STXBP5: variants seen among roughly 807,000 people sequenced by gnomAD.
STXBP5 encodes the protein syntaxin-binding protein 5.
Under a neutral mutation model 152.4 loss-of-function variants are expected in STXBP5, and 50 were observed. That is an observed-to-expected ratio of 0.33 (90% confidence interval 0.26 to 0.42). The LOEUF (loss-of-function observed/expected upper bound fraction) is 0.42, where lower values mean the gene tolerates loss of function less well. Among genes scored for constraint, STXBP5 ranks in the 10% least tolerant of loss-of-function variants. The pLI, the probability that STXBP5 is intolerant of heterozygous loss-of-function variation, is 1.00. For synonymous variants in STXBP5, 492 were observed against 494.7 expected, an observed-to-expected ratio of 0.99 and a Z score of 0.07; for missense variants, 1,167 against 1,388.6, an observed-to-expected ratio of 0.84 and a Z score of 2.54.
intron 5 of STXBP5, among the ~76,000 whole-genome samples, chr6:147,261,756 C>G (rs926814766): frequency 1.3e-5 from 2 of 151,894 alleles, no homozygotes; most frequent in Non-Finnish European, 2.9e-5. Context: ...AGTGATCTGT[C>G]AAACTTGGGA....
In STXBP5 at chr6:147,384,698, T is replaced by C; in HGVS notation, c.3415-16T>C. ...GGCATTTTAAAAGCATGTTTTTCTT[T>C]TTTTTCCCCCTTTAGATTATGTTGA... On this transcript the variant is annotated splice_polypyrimidine_tract_variant and intron_variant, in intron 27 of 27. Coordinates refer to ENST00000321680, the MANE Select transcript of STXBP5 (RefSeq NM_001127715.4). The C allele has an allele frequency of 6.2e-7, 1 of 1,607,886 alleles. No homozygotes were observed.
At chr6:147,303,037 G>A (rs959240987) in intron 9 of STXBP5, among the ~76,000 whole-genome samples, 4 of 152,086 alleles carry the variant, frequency 2.6e-5, no homozygotes, top group East Asian at 1.9e-4. Flanking sequence ...CGTGGCTCTC[G>A]ACAAATTGCC....
At chr6:147,361,388 A>T (rs1370668345) in intron 23 of STXBP5, among the ~76,000 whole-genome samples, 2 of 152,220 alleles carry the variant, frequency 1.3e-5, no homozygotes. Context: ...GAATACAAAA[A>T]TAACTTTCAT....
chr6:147,296,084 G>A (rs371093835), intron 9 of STXBP5, among the ~76,000 whole-genome samples: 2 of 152,112 alleles, frequency 1.3e-5, no homozygotes, highest in South Asian at 2.1e-4. Flanking sequence ...AGATGGTCCT[G>A]TACAATGAGG....
At chr6:147,256,880 T>G (rs1185607686) in intron 4 of STXBP5, among the ~76,000 whole-genome samples, 2 of 152,174 alleles carry the variant, frequency 1.3e-5, no homozygotes, top group East Asian at 3.9e-4. Flanking sequence ...TATGTTGGGT[T>G]AATCTAATGG....
Position 147,262,313 on chromosome 6 carries a change from C to G in STXBP5, c.590C>G (p.Pro197Arg). ...AGGTCATCTAAATCTCACCCAGGAC[C>G]TGTGGTCCATATAAGTGATAATCCA... is the stretch of plus-strand genomic sequence containing the variant. Reference protein sequence around the residue: ...IELSSKSHPGPVVHISDNPMD... With the variant: ...IELSSKSHPGRVVHISDNPMD... Residue 197 changes from proline to arginine, a missense_variant, in exon 6 of 28, where the codon CCT (proline) becomes CGT (arginine). Physicochemically the swap from Pro to Arg is moderately radical, Grantham distance 103 (BLOSUM62 -2). Around this residue, in one of 3 missense-constraint regions of STXBP5, gnomAD observed 310 missense variants for 346.1 expected, o/e 0.90. Coordinates refer to ENST00000321680, the MANE Select transcript of STXBP5 (RefSeq NM_001127715.4). 1 of 1,555,504 alleles carries G rather than the reference C, an allele frequency of 6.4e-7. No individual in the cohort carries two copies. Among genetic ancestry groups the G allele is most frequent in the Admixed American group, 2.0e-5 (1 of 49,560 alleles).
At chr6:147,241,874 A>G (rs943645342) in intron 4 of STXBP5, among the ~76,000 whole-genome samples, 4 of 152,212 alleles carry the variant, frequency 2.6e-5, no homozygotes, top group Non-Finnish European at 4.4e-5. Flanking sequence ...ATAATTGTGT[A>G]CAGTACATAA....
chr6:147,292,375 G>A (rs1347318919), intron 9 of STXBP5: 1 of 346,820 alleles, frequency 2.9e-6, no homozygotes, highest in Non-Finnish European at 5.6e-6. Flanking sequence ...CTGTAGCATA[G>A]TTATCTGACT....
intron 4 of STXBP5, among the ~76,000 whole-genome samples, chr6:147,239,688 A>T (rs1253505681): frequency 6.6e-6 from 1 of 152,170 alleles, no homozygotes; most frequent in East Asian, 1.9e-4. Flanking sequence ...TAAGTGCCAT[A>T]ATTTATTCAG....
chr6:147,311,415 G>A, intron 10 of STXBP5, 40 bp from the exon 11 acceptor site: 4 of 1,550,416 alleles, frequency 2.6e-6, no homozygotes, highest in Non-Finnish European at 3.6e-6. Flanking sequence ...CTGTCCACTT[G>A]CATTTTTGAA....
At chr6:147,251,078 C>T (rs1173323731) in intron 4 of STXBP5, among the ~76,000 whole-genome samples, 1 of 151,762 alleles carries the variant, frequency 6.6e-6, no homozygotes, top group South Asian at 2.1e-4. Context: ...GCATTTCCAA[C>T]GGAGGTACCC....
intron 8 of STXBP5, among the ~76,000 whole-genome samples, chr6:147,286,925 CACAT>C (rs1292957846): frequency 6.6e-6 from 1 of 151,508 alleles, no homozygotes; most frequent in Non-Finnish European, 1.5e-5. Flanking sequence ...TGTGTATTAA[CACAT>C]ACACACAAAT....
At chr6:147,360,360 C>A (rs886481455) in intron 23 of STXBP5, among the ~76,000 whole-genome samples, 1 of 152,092 alleles carries the variant, frequency 6.6e-6, no homozygotes, top group Non-Finnish European at 1.5e-5. Context: ...ATGTTTATAG[C>A]GGCACTATTC....
chr6:147,373,963 A>T (rs1487319884), intron 26 of STXBP5, 121 bp downstream of exon 26: 1 of 583,422 alleles, frequency 1.7e-6, no homozygotes, highest in East Asian at 2.9e-5. Context: ...TACTATTTCC[A>T]TGTTTTAACA....
chr6:147,273,220 T>A (rs1780268454), intron 7 of STXBP5, among the ~76,000 whole-genome samples: 1 of 80,380 alleles, frequency 1.2e-5, no homozygotes, highest in African/African-American at 5.1e-5. Flanking sequence ...TAGCTAGGCC[T>A]GGTAGTGGTA....
chr6:147,343,471 C>T (rs1346049968), intron 21 of STXBP5, among the ~76,000 whole-genome samples: 1 of 152,064 alleles, frequency 6.6e-6, no homozygotes, highest in Non-Finnish European at 1.5e-5. Context: ...AGTTCTAACA[C>T]CTTTATTTTT....
At chr6:147,351,618 T>G (rs1195386748) in intron 21 of STXBP5, among the ~76,000 whole-genome samples, 1 of 152,204 alleles carries the variant, frequency 6.6e-6, no homozygotes, top group Non-Finnish European at 1.5e-5. Context: ...TATTTGGCCA[T>G]TTCAGTTTTG....
chr6:147,266,922 T>G (rs1779923114), intron 6 of STXBP5, among the ~76,000 whole-genome samples, 162 bp from the exon 7 acceptor site: 2 of 152,182 alleles, frequency 1.3e-5, no homozygotes, highest in South Asian at 4.1e-4. Flanking sequence ...AGTGTTCTCA[T>G]TTGTCATTTA....
chr6:147,227,265 C>G (rs538666171), intron 2 of STXBP5, among the ~76,000 whole-genome samples: 1 of 152,228 alleles, frequency 6.6e-6, no homozygotes, highest in East Asian at 1.9e-4. Context: ...TTTAGAAACA[C>G]TCTAAAGGTA....
Sources: allele counts gnomAD v4.1 joint callset (sites outside exome capture counted in the v4.1 genomes callset), GRCh38; gene constraint gnomAD v4.1.1; regional missense constraint gnomAD v4.1.1; transcripts MANE v1.5; gene names NCBI Gene and HGNC (gene_info 2026-07-23, HGNC 2026-07-21).